Variants in POLR2F observed in about 807,000 individuals in gnomAD.
The protein encoded by POLR2F is DNA-directed RNA polymerases I, II, and III subunit RPABC2.
POLR2F carries 12 observed loss-of-function variants against 22.7 expected under a neutral mutation model. That is an observed-to-expected ratio of 0.53 (90% confidence interval 0.34 to 0.86). The LOEUF (loss-of-function observed/expected upper bound fraction) is 0.86, where lower values mean the gene tolerates loss of function less well. Among genes scored for constraint, POLR2F ranks in the 40% least tolerant of loss-of-function variants. POLR2F has a pLI of 0.02. For missense variants in POLR2F, 126 were observed against 171.5 expected (o/e 0.73, Z 1.48); for synonymous variants, 57 against 66.0 (o/e 0.86, Z 0.66).
At chr22:37,958,764 C>T (rs779195546) in intron 2 of POLR2F, among the ~76,000 whole-genome samples, 2 of 152,168 alleles carry the variant, frequency 1.3e-5, no homozygotes, top group African/African-American at 4.8e-5. Flanking sequence ...ATAGCACCTG[C>T]TCTGTTTACT....
intron 1 of POLR2F, among the ~76,000 whole-genome samples, chr22:37,996,626 A>G (rs895641131): frequency 2.6e-5 from 4 of 152,216 alleles, no homozygotes; most frequent in African/African-American, 9.7e-5. Context: ...ACCTAGCTGC[A>G]GTGTCACTCA....
Position 37,959,489 on chromosome 22 carries a change from C to G in POLR2F, c.221+13C>G, listed in dbSNP as rs1334755847. 13 of 1,612,472 alleles carry G rather than the reference C, an allele frequency of 8.1e-6. No individual in the cohort carries two copies. Among genetic ancestry groups the G allele is most frequent in the Non-Finnish European group, 8.5e-6 (10 of 1,179,536 alleles). On this transcript the variant is annotated intron_variant, in intron 3 of 4. Coordinates refer to ENST00000442738, the MANE Select transcript of POLR2F (RefSeq NM_021974.5). Reference sequence around the variant, plus strand: ...CGCTCCAGATTGCGTGAGTGATTGCCCCTTCACTGTCTTCTCCATCTGTCA... The same window carrying G: ...CGCTCCAGATTGCGTGAGTGATTGCGCCTTCACTGTCTTCTCCATCTGTCA...
intron 1 of POLR2F, among the ~76,000 whole-genome samples, chr22:38,007,100 G>C (rs1229092364): frequency 6.6e-6 from 1 of 152,074 alleles, no homozygotes; most frequent in Admixed American, 6.5e-5. Flanking sequence ...GTGGTGAGCT[G>C]CAGAGTGGGA....
chr22:37,959,551 G>T (rs1017188025), intron 3 of POLR2F, 75 bp downstream of exon 3: 2 of 1,513,770 alleles, frequency 1.3e-6, no homozygotes, highest in African/African-American at 1.4e-5. Context: ...ATCTTTCCCA[G>T]CCTGGCACCT....
At chr22:38,035,964 T>C (rs1020898398) in intron 5 of POLR2F, among the ~76,000 whole-genome samples, 5 of 146,392 alleles carry the variant, frequency 3.4e-5, no homozygotes, top group African/African-American at 1.3e-4. Flanking sequence ...GGTGAGGCAC[T>C]GAGCCCCTGC....
intron 4 of POLR2F, among the ~76,000 whole-genome samples, chr22:37,976,648 G>T (rs1932229564): frequency 6.6e-6 from 1 of 152,228 alleles, no homozygotes; most frequent in Admixed American, 6.5e-5. Flanking sequence ...GGAAGTTCCT[G>T]TTTGTTTCTC....
At chr22:38,021,603 C>T (rs926515498) in intron 1 of POLR2F, among the ~76,000 whole-genome samples, 7 of 152,002 alleles carry the variant, frequency 4.6e-5, no homozygotes, top group South Asian at 2.1e-4. Context: ...ATTACAGGCA[C>T]GCGCCACCAT....
At chr22:37,976,133 G>A (rs6000968) in intron 4 of POLR2F, among the ~76,000 whole-genome samples, 6 of 152,290 alleles carry the variant, frequency 3.9e-5, no homozygotes, top group African/African-American at 1.4e-4. Context: ...TGAGGCACAA[G>A]AATCGCTTAA....
At chr22:37,994,974 T>C (rs1401595096) in intron 1 of POLR2F, among the ~76,000 whole-genome samples, 1 of 152,176 alleles carries the variant, frequency 6.6e-6, no homozygotes, top group Non-Finnish European at 1.5e-5. Flanking sequence ...CTCTACCAGG[T>C]GGCAAATTGA....
At chr22:37,979,290 G>T (rs1932320885) in intron 4 of POLR2F, among the ~76,000 whole-genome samples, 1 of 151,516 alleles carries the variant, frequency 6.6e-6, no homozygotes, top group Non-Finnish European at 1.5e-5. Context: ...TAGAGACGAG[G>T]TTTCACCATA....
chr22:38,030,908 G>C (rs1003947314), downstream of POLR2F, among the ~76,000 whole-genome samples: 6 of 152,078 alleles, frequency 3.9e-5, no homozygotes, highest in African/African-American at 1.4e-4. Flanking sequence ...CAGATCAGTC[G>C]GCTGTCACCA....
At chr22:38,007,993 A>G (rs1177463236) in intron 1 of POLR2F, among the ~76,000 whole-genome samples, 4 of 151,876 alleles carry the variant, frequency 2.6e-5, no homozygotes, top group Non-Finnish European at 5.9e-5. Flanking sequence ...TAATCCTAGC[A>G]CTTTGGGAGG....
rs1019166022 is a variant in POLR2F, at chr22:37,980,282, A to C, written c.293+13112A>C. On this transcript the variant is annotated intron_variant, in intron 4 of 4. Transcript: ENST00000405557. The surrounding 1 kb of genome is among the most constrained non-coding windows in gnomAD (Gnocchi z 4.1). Reference sequence around the variant, plus strand: ...CCACAGAGGAGAGAGCTGCTCCGCCAGCAGTGGACCCCAACAGAGGGGCTT... The same window carrying C: ...CCACAGAGGAGAGAGCTGCTCCGCCCGCAGTGGACCCCAACAGAGGGGCTT... Among the ~76,000 whole-genome samples, 1 of 152,216 alleles carries C rather than the reference A, an allele frequency of 6.6e-6. No individual in the cohort carries two copies. Among genetic ancestry groups the C allele is most frequent in the East Asian group, 1.9e-4 (1 of 5,182 alleles).
chr22:37,968,496 G>T lies in POLR2F; in HGVS notation c.*781G>T. ...TGAGGCCTTGGGGACATGGTGCTGGGGTGGTGGTGCTCCTGGGTTCCAGGT... is the reference window on the plus strand; with the variant it reads ...TGAGGCCTTGGGGACATGGTGCTGGTGTGGTGGTGCTCCTGGGTTCCAGGT... On this transcript the variant is annotated 3_prime_UTR_variant, in exon 5 of 5. Transcript: ENST00000442738. 1.0e-6 allele frequency: 1 copy of T among 986,058 alleles called. No homozygotes were observed. Among genetic ancestry groups the T allele is most frequent in the Non-Finnish European group, 1.2e-6 (1 of 830,444 alleles). The allele number at this position is 986,058 out of a possible 1,614,324, so 61.1% of individuals were successfully genotyped here.
chr22:37,998,120 CCTCT>C (rs924083998), intron 1 of POLR2F, among the ~76,000 whole-genome samples: 1 of 152,134 alleles, frequency 6.6e-6, no homozygotes, highest in Non-Finnish European at 1.5e-5. Flanking sequence ...CAAGCTCTTC[CCTCT>C]CTCTCATTGT....
intron 1 of POLR2F, among the ~76,000 whole-genome samples, chr22:38,003,691 C>A (rs767440154): frequency 3.9e-5 from 6 of 151,998 alleles, no homozygotes; most frequent in Non-Finnish European, 5.9e-5. Flanking sequence ...ATTCTCACAC[C>A]TCAGCCTCCC....
intron 5 of POLR2F, among the ~76,000 whole-genome samples, chr22:38,036,990 T>C (rs2085122362): frequency 6.6e-6 from 1 of 152,200 alleles, no homozygotes; most frequent in African/African-American, 2.4e-5. Context: ...ATGTCTAACA[T>C]AACACCCCTC....
intron 1 of POLR2F, among the ~76,000 whole-genome samples, chr22:38,010,602 GTTTTTTTTTT>G (rs1159353447): frequency 3.3e-5 from 2 of 60,890 alleles, no homozygotes; most frequent in Non-Finnish European, 6.3e-5. Context: ...AATTCCTTGT[GTTTTTTTTTT>G]TTTTTTTTTT....
chr22:37,976,706 C>T (rs1932230912), intron 4 of POLR2F, among the ~76,000 whole-genome samples: 1 of 152,196 alleles, frequency 6.6e-6, no homozygotes, highest in Non-Finnish European at 1.5e-5. Flanking sequence ...TGAGCCCAGG[C>T]AGTTTGGGTA....
Sources: allele counts gnomAD v4.1 joint callset (sites outside exome capture counted in the v4.1 genomes callset), GRCh38; gene constraint gnomAD v4.1.1; non-coding constraint Gnocchi (gnomAD v3.1); transcripts MANE v1.5; gene names NCBI Gene and HGNC (gene_info 2026-07-23, HGNC 2026-07-21).